Variants in NDRG3 observed in about 807,000 individuals in gnomAD.
The protein encoded by NDRG3 is NDRG family member 3, also known as protein NDRG3.
NDRG3 carries 23 observed loss-of-function variants against 57.2 expected under a neutral mutation model. The observed-to-expected ratio is 0.40, with a 90% confidence interval of 0.29 to 0.57. NDRG3 has a LOEUF of 0.57. NDRG3 is among the 20% of genes least tolerant of loss of function. The pLI is 0.42. For missense variants in NDRG3, 384 were observed against 457.3 expected (o/e 0.84, Z 1.46); for synonymous variants, 132 against 162.6 (o/e 0.81, Z 1.43).
intron 12 of NDRG3, among the ~76,000 whole-genome samples, chr20:36,661,673 T>G (rs1048669953): frequency 1.3e-5 from 2 of 152,074 alleles, no homozygotes; most frequent in Admixed American, 1.3e-4. Context: ...AGACTGAAAG[T>G]GAGGCTGGGG....
At chr20:36,738,306 C>T (rs968072560) in intron 1 of NDRG3, among the ~76,000 whole-genome samples, 1 of 151,736 alleles carries the variant, frequency 6.6e-6, no homozygotes, top group African/African-American at 2.4e-5. Flanking sequence ...ACCAGCCTGG[C>T]CAACATGGTG....
At chr20:36,684,325 T>C in intron 6 of NDRG3, 88 bp downstream of exon 6, 1 of 1,104,648 alleles carries the variant, frequency 9.1e-7, no homozygotes, top group East Asian at 2.4e-5. Context: ...ATATTTTTCC[T>C]AACCATCATA....
intron 1 of NDRG3, among the ~76,000 whole-genome samples, chr20:36,723,659 AGTGTGTGTGTGTGTGT>A (rs36022065): frequency 7.5e-6 from 1 of 132,934 alleles, no homozygotes; most frequent in Non-Finnish European, 1.6e-5. Context: ...ATATTAGTCT[AGTGTGTGTGTGTGTGT>A]GTGTGTGTGT....
chr20:36,709,074 A>G (rs895215267), intron 2 of NDRG3, among the ~76,000 whole-genome samples: 3 of 152,110 alleles, frequency 2.0e-5, no homozygotes, highest in African/African-American at 7.2e-5. Context: ...TAAATAAATC[A>G]CAGCCCAGTG....
chr20:36,664,958 G>A, intron 12 of NDRG3, 88 bp downstream of exon 12: 2 of 1,327,954 alleles, frequency 1.5e-6, no homozygotes, highest in Non-Finnish European at 2.2e-6. Flanking sequence ...CAAAGTGTTG[G>A]GAATACAGGC....
At chr20:36,726,225 A>G (rs1032245546) in intron 1 of NDRG3, among the ~76,000 whole-genome samples, 1 of 152,096 alleles carries the variant, frequency 6.6e-6, no homozygotes, top group African/African-American at 2.4e-5. Flanking sequence ...ACCCATCCCT[A>G]AGTATTTTTT....
chr20:36,717,494 T>C (rs1209956303), intron 2 of NDRG3, among the ~76,000 whole-genome samples: 1 of 152,202 alleles, frequency 6.6e-6, no homozygotes, highest in Non-Finnish European at 1.5e-5. Flanking sequence ...AAAACATCTA[T>C]AGGATTAACA....
At chr20:36,664,969 G>T in intron 12 of NDRG3, 77 bp downstream of exon 12, 1 of 1,417,694 alleles carries the variant, frequency 7.1e-7, no homozygotes, top group Non-Finnish European at 1.0e-6. Context: ...GAATACAGGC[G>T]TGAGCCACTG....
At chr20:36,742,994 T>C (rs1380055117) in intron 1 of NDRG3, among the ~76,000 whole-genome samples, 1 of 152,216 alleles carries the variant, frequency 6.6e-6, no homozygotes, top group African/African-American at 2.4e-5. Flanking sequence ...TGTGATTACT[T>C]TGATACAACC....
rs112853973 is a variant in NDRG3, at chr20:36,708,762, G to A, written c.58-1755C>T. On this transcript the variant is annotated intron_variant, in intron 2 of 15. Transcript: ENST00000349004. ...AAAAAGCACAGCCCAAGCCGGGCGC[G>A]GTGGCTCACGCCTGTAATCCCAGCA... Among the ~76,000 whole-genome samples the A allele has an allele frequency of 3.3e-3, 501 of 152,246 alleles. 6 individuals carry two copies. The highest frequency in any genetic ancestry group is 0.012 in the African/African-American group (483 of 41,548).
At chr20:36,689,757 G>A (rs113497639) in intron 3 of NDRG3, among the ~76,000 whole-genome samples, 36 of 139,330 alleles carry the variant, frequency 2.6e-4, no homozygotes, top group Non-Finnish European at 3.9e-4. Context: ...GTCTCGCTCC[G>A]TCACCCAGGC....
rs142404810 is a variant in NDRG3, at chr20:36,740,227, G to A, written c.-49+5818C>T. Among the ~76,000 whole-genome samples the A allele has an allele frequency of 1.8e-3, 276 of 152,304 alleles. 1 individual carries two copies. The highest frequency in any genetic ancestry group is 5.6e-3 in the South Asian group (27 of 4,830). On this transcript the variant is annotated intron_variant, in intron 1 of 15. Coordinates refer to ENST00000349004, the MANE Select transcript of NDRG3 (RefSeq NM_032013.4). ...CTTCCCAAATCCAGGGAGGATACCA[G>A]CTCCATATCAATAACATTAATTAAT...
chr20:36,659,459 A>G (rs1336783909), intron 13 of NDRG3, among the ~76,000 whole-genome samples: 1 of 152,052 alleles, frequency 6.6e-6, no homozygotes, highest in Admixed American at 6.6e-5. Flanking sequence ...AAAAATGTAT[A>G]GGAAAAAGAC....
rs149837635 is a variant in NDRG3 at position 36,688,629 on chromosome 20, T to C, written c.199+50A>G. The C allele has an allele frequency of 7.3e-3, 9,826 of 1,351,588 alleles. 91 individuals are homozygous for C. Among genetic ancestry groups the C allele is most frequent in the South Asian group, 0.014 (1,222 of 85,728 alleles). 83.7% of individuals were successfully genotyped at this position (1,351,588 alleles called of 1,614,324 possible). A position where few individuals can be genotyped will look rare whatever the true frequency, so the allele number is the denominator to read the frequency against. On this transcript the variant is annotated intron_variant, in intron 4 of 15. Coordinates refer to ENST00000349004, the MANE Select transcript of NDRG3 (RefSeq NM_032013.4). ...TATTGTTGTTGTTTGGTTTTTAACA[T>C]ACAAAGATCAAGTATGATAAGAAGG...
intron 2 of NDRG3, among the ~76,000 whole-genome samples, chr20:36,720,119 A>G (rs1984509665): frequency 1.3e-5 from 2 of 151,884 alleles, no homozygotes; most frequent in African/African-American, 2.4e-5. Flanking sequence ...AAAAAAAAAA[A>G]GAAGGAATTT....
At chr20:36,693,877 A>G (rs1006493754) in intron 3 of NDRG3, among the ~76,000 whole-genome samples, 3 of 152,056 alleles carry the variant, frequency 2.0e-5, no homozygotes, top group African/African-American at 4.8e-5. Context: ...AATAATAGAA[A>G]GTGCACAATA....
At position 36,656,393 on chromosome 20, in the gene NDRG3, C is replaced by T. The variant is rs1041207473; in HGVS notation, c.913G>A (p.Ala305Thr). 3.1e-6 allele frequency: 5 copies of T among 1,613,986 alleles called. No homozygotes were observed. The Admixed American group carries it at 8.3e-5, about 27-fold the overall frequency. The change falls in exon 15 of 16, where the codon GCC (alanine) becomes ACC (threonine). Residue 305 changes from alanine (A) to threonine (T), a missense_variant. By Grantham distance (58) the Ala-to-Thr change is moderately conservative. Coordinates refer to ENST00000349004, the MANE Select transcript of NDRG3 (RefSeq NM_032013.4). ...ATTCCCTGCAAAAAGTACTTGAAGGCCTCGGTGAGCTTCCCAGGCTGGGGG... is the reference window on the plus strand; with the variant it reads ...ATTCCCTGCAAAAAGTACTTGAAGGTCTCGGTGAGCTTCCCAGGCTGGGGG... ...QVVQPGKLTE[A>T]FKYFLQGMGY...
chr20:36,673,638 T>G (rs1443370991), intron 8 of NDRG3, among the ~76,000 whole-genome samples: 2 of 152,088 alleles, frequency 1.3e-5, no homozygotes, highest in African/African-American at 4.8e-5. Context: ...GGTCTTGAAC[T>G]CCTGACCTCA....
At chr20:36,664,405 C>T (rs187074084) in intron 12 of NDRG3, among the ~76,000 whole-genome samples, 1 of 152,212 alleles carries the variant, frequency 6.6e-6, no homozygotes, top group East Asian at 1.9e-4. Context: ...CAGAAGGAGG[C>T]AGAGGTGGCC....
Sources: allele counts gnomAD v4.1 joint callset (sites outside exome capture counted in the v4.1 genomes callset), GRCh38; gene constraint gnomAD v4.1.1; transcripts MANE v1.5; gene names NCBI Gene and HGNC (gene_info 2026-07-23, HGNC 2026-07-21).